MAPRE2: variants seen among roughly 807,000 people sequenced by gnomAD.
MAPRE2 encodes microtubule-associated protein RP/EB family member 2.
Under a neutral mutation model 43.2 loss-of-function variants are expected in MAPRE2, and 13 were observed. The ratio of observed to expected loss-of-function variants is 0.30; its 90% CI spans 0.20 to 0.48. The LOEUF (loss-of-function observed/expected upper bound fraction) is 0.48. MAPRE2 is among the 20% of genes least tolerant of loss of function. The pLI is 0.99. For missense variants in MAPRE2, 161 were observed against 400.2 expected (o/e 0.40, Z 5.10); for synonymous variants, 135 against 148.8 (o/e 0.91, Z 0.68).
At chr18:35,128,047 T>C (rs1343543935) in intron 5 of MAPRE2, among the ~76,000 whole-genome samples, 4 of 152,246 alleles carry the variant, frequency 2.6e-5, no homozygotes, top group Non-Finnish European at 4.4e-5. Flanking sequence ...TGGTGATTAA[T>C]CTTATTCTTG....
rs781697090 is a variant in MAPRE2 at position 35,102,098 on chromosome 18, C to T, written c.549C>T (p.Asp183=). The part of the protein sequence containing the change: ...RQGQDAIPPP[D]PGEQIFNLPK... Reference sequence around the variant, plus strand: ...GGCAAGATGCAATTCCTCCTCCTGACCCTGGTGAACAGATCTTCAACCTGC... The same window carrying T: ...GGCAAGATGCAATTCCTCCTCCTGATCCTGGTGAACAGATCTTCAACCTGC... The change falls in exon 4 of 7, where the codon GAC becomes GAT. Residue 183 remains aspartate (D), a synonymous_variant. Coordinates refer to ENST00000300249, the MANE Select transcript of MAPRE2 (RefSeq NM_014268.4). 5 of 1,612,624 alleles carry T rather than the reference C, an allele frequency of 3.1e-6. No homozygotes were observed. The highest frequency in any genetic ancestry group is 4.2e-6 in the Non-Finnish European group (5 of 1,179,484).
chr18:35,023,510 G>A (rs909662852), intron 2 of MAPRE2, among the ~76,000 whole-genome samples: 24 of 146,748 alleles, frequency 1.6e-4, no homozygotes, highest in Admixed American at 4.0e-4. Context: ...AGACTCCTTC[G>A]CAAAAAATAT....
chr18:35,055,402 A>G (rs1200754191), intron 1 of MAPRE2, among the ~76,000 whole-genome samples: 1 of 152,184 alleles, frequency 6.6e-6, no homozygotes, highest in African/African-American at 2.4e-5. Context: ...TTAAGGAACC[A>G]GTCATTGGAG....
rs1555909514 is a variant in MAPRE2, at chr18:34,985,389, T to TA, written c.-70+8311dup. Among the ~76,000 whole-genome samples the TA allele has an allele frequency of 6.9e-3, 99 of 14,402 alleles. 3 individuals are homozygous for TA. Among genetic ancestry groups the TA allele is most frequent in the African/African-American group, 0.022 (98 of 4,438 alleles). 9.4% of individuals were successfully genotyped at this position (14,402 alleles called of 152,430 possible). A position where few individuals can be genotyped will look rare whatever the true frequency, so the allele number is the denominator to read the frequency against. On this transcript the variant is annotated intron_variant, in intron 1 of 7. Coordinates refer to the MAPRE2 transcript ENST00000413393. ...AATATATAATATATTATTTTATATA[T>TA]ATATAATATATAATATATTATAAAT...
intron 5 of MAPRE2, among the ~76,000 whole-genome samples, chr18:35,129,700 A>G (rs1003861080): frequency 5.9e-5 from 9 of 152,230 alleles, no homozygotes; most frequent in Admixed American, 3.9e-4. Context: ...CGATTAGCCC[A>G]GGCAGAGACT....
chr18:35,088,927 A>T (rs1293943185), intron 2 of MAPRE2, among the ~76,000 whole-genome samples: 1 of 152,220 alleles, frequency 6.6e-6, no homozygotes, highest in Non-Finnish European at 1.5e-5. Context: ...TGGATGTCAG[A>T]TGAAACAATG....
At chr18:35,063,261 G>A (rs561030854) in intron 1 of MAPRE2, among the ~76,000 whole-genome samples, 15 of 152,102 alleles carry the variant, frequency 9.9e-5, no homozygotes, top group African/African-American at 2.2e-4. Flanking sequence ...ACACCACCAC[G>A]CCTGGCTAAT....
intron 2 of MAPRE2, among the ~76,000 whole-genome samples, chr18:35,084,604 G>A (rs142491180): frequency 2.0e-5 from 3 of 152,322 alleles, no homozygotes; most frequent in Non-Finnish European, 4.4e-5. Flanking sequence ...AGTTTATTCT[G>A]TGTGTTCAAG....
intron 3 of MAPRE2, among the ~76,000 whole-genome samples, chr18:35,098,075 C>T (rs1009905771): frequency 4.6e-5 from 7 of 152,086 alleles, no homozygotes; most frequent in African/African-American, 1.4e-4. Flanking sequence ...AAGCAGTGTC[C>T]GGTATAGTGT....
chr18:35,064,214 A>G (rs1255780029), intron 1 of MAPRE2, among the ~76,000 whole-genome samples: 2 of 151,734 alleles, frequency 1.3e-5, no homozygotes, highest in Non-Finnish European at 2.9e-5. Flanking sequence ...AAAAAAATCA[A>G]AATAGGTTCC....
chr18:35,079,121 A>G (rs1024405298), intron 2 of MAPRE2, among the ~76,000 whole-genome samples: 2 of 152,216 alleles, frequency 1.3e-5, no homozygotes, highest in African/African-American at 4.8e-5. Context: ...AGACATTTGC[A>G]TGTGCATGTC....
At chr18:35,046,262 G>A (rs529115285) in intron 1 of MAPRE2, among the ~76,000 whole-genome samples, 2 of 152,344 alleles carry the variant, frequency 1.3e-5, no homozygotes, top group Admixed American at 1.3e-4. Context: ...GAAGGATCTT[G>A]AGTCCTAGTA....
chr18:35,034,947 A>G (rs2097049715), intron 2 of MAPRE2, among the ~76,000 whole-genome samples: 1 of 152,036 alleles, frequency 6.6e-6, no homozygotes, highest in Non-Finnish European at 1.5e-5. Context: ...TGTGGAAGTC[A>G]GTGTGGTGAT....
chr18:35,042,483 A>C (rs751154554), intron 1 of MAPRE2, among the ~76,000 whole-genome samples: 3 of 152,174 alleles, frequency 2.0e-5, no homozygotes, highest in Non-Finnish European at 4.4e-5. Flanking sequence ...CATCATTTTT[A>C]CATTAACATA....
chr18:34,977,799 C>T (rs2097014048), intron 1 of MAPRE2, among the ~76,000 whole-genome samples: 1 of 152,204 alleles, frequency 6.6e-6, no homozygotes, highest in African/African-American at 2.4e-5. Flanking sequence ...ACTTCGCACT[C>T]GGCTTAGTGG....
intron 1 of MAPRE2, among the ~76,000 whole-genome samples, chr18:34,994,726 T>G (rs1431615218): frequency 6.6e-6 from 1 of 152,226 alleles, no homozygotes; most frequent in South Asian, 2.1e-4. Context: ...GTATTTTCCA[T>G]GTACATAGAA....
intron 1 of MAPRE2, among the ~76,000 whole-genome samples, chr18:34,984,875 T>A (rs1349632012): frequency 4.6e-4 from 36 of 77,630 alleles, no homozygotes; most frequent in East Asian, 2.0e-3. Flanking sequence ...ATAATATATT[T>A]TATGTTATAT....
At chr18:35,052,362 G>T (rs1163537307) in intron 1 of MAPRE2, among the ~76,000 whole-genome samples, 1 of 152,172 alleles carries the variant, frequency 6.6e-6, no homozygotes, top group East Asian at 1.9e-4. Flanking sequence ...TCAGCACAAT[G>T]ATTTTAAGAT....
At chr18:34,981,695 G>T (rs371244151) in intron 1 of MAPRE2, among the ~76,000 whole-genome samples, 1 of 152,024 alleles carries the variant, frequency 6.6e-6, no homozygotes, top group African/African-American at 2.4e-5. Flanking sequence ...CAATGCCAAG[G>T]CATTGACTCC....
Sources: gnomAD v4.1 joint callset for allele counts (sites outside exome capture counted in the v4.1 genomes callset) on GRCh38, gnomAD v4.1.1 for gene constraint, MANE v1.5 for transcripts, NCBI Gene and HGNC (gene_info 2026-07-23, HGNC 2026-07-21) for gene names.